Variants in LURAP1L observed in about 807,000 individuals in gnomAD.
LURAP1L encodes leucine rich adaptor protein 1-like.
Under a neutral mutation model 13.8 loss-of-function variants are expected in LURAP1L, and 12 were observed. That is an observed-to-expected ratio of 0.87 (90% CI 0.56 to 1.41). The LOEUF (loss-of-function observed/expected upper bound fraction) is 1.41, where lower values mean the gene tolerates loss of function less well. Ranked by LOEUF, LURAP1L falls within the 40% of genes most tolerant of loss-of-function variation. LURAP1L has a pLI of 0.00. For missense variants in LURAP1L, 375 were observed against 292.9 expected, an observed-to-expected ratio of 1.28 and a Z score of -2.04; for synonymous variants, 139 against 119.2, an observed-to-expected ratio of 1.17 and a Z score of -1.08.
intron 1 of LURAP1L, among the ~76,000 whole-genome samples, chr9:12,798,364 T>A (rs1437875909): frequency 6.6e-6 from 1 of 152,232 alleles, no homozygotes; most frequent in Non-Finnish European, 1.5e-5. Flanking sequence ...TACCTGGCTA[T>A]GGACAACACT....
At chr9:12,811,949 C>G (rs1283141109) in intron 1 of LURAP1L, among the ~76,000 whole-genome samples, 1 of 152,102 alleles carries the variant, frequency 6.6e-6, no homozygotes, top group Non-Finnish European at 1.5e-5. Flanking sequence ...ATCACATGGC[C>G]AGTAGCAGTC....
At chr9:12,777,283 A>T in intron 1 of LURAP1L, 1 of 985,360 alleles carries the variant, frequency 1.0e-6, no homozygotes, top group South Asian at 4.7e-5. Context: ...TTTGCAAAAT[A>T]GATGAAAAGA....
At chr9:12,786,568 A>ATATATATG (rs1819356879) in intron 1 of LURAP1L, among the ~76,000 whole-genome samples, 8 of 124,388 alleles carry the variant, frequency 6.4e-5, no homozygotes, top group African/African-American at 2.3e-4. Flanking sequence ...ATATATATAT[A>ATATATATG]TATATATATA....
intron 1 of LURAP1L, among the ~76,000 whole-genome samples, chr9:12,802,791 T>C (rs1819604699): frequency 6.6e-6 from 1 of 152,160 alleles, no homozygotes; most frequent in Non-Finnish European, 1.5e-5. Flanking sequence ...ATATTCCAGA[T>C]CCTCCATGAA....
intron 1 of LURAP1L, among the ~76,000 whole-genome samples, chr9:12,794,383 T>C (rs1244771872): frequency 6.6e-6 from 1 of 152,068 alleles, no homozygotes; most frequent in Non-Finnish European, 1.5e-5. Context: ...ATTAAGTTGA[T>C]TTTGTGTCAA....
chr9:12,816,298 T>A (rs557975255), intron 1 of LURAP1L, among the ~76,000 whole-genome samples: 2 of 152,340 alleles, frequency 1.3e-5, no homozygotes, highest in East Asian at 3.9e-4. Flanking sequence ...AAGATTAGTC[T>A]TTGTTCACAG....
intron 1 of LURAP1L, among the ~76,000 whole-genome samples, chr9:12,805,990 A>T (rs1306029720): frequency 6.6e-6 from 1 of 152,212 alleles, no homozygotes; most frequent in African/African-American, 2.4e-5. Flanking sequence ...TCAGAAGACA[A>T]ATCTGACAGT....
intron 1 of LURAP1L, among the ~76,000 whole-genome samples, chr9:12,806,554 C>A (rs1262251893): frequency 2.0e-5 from 3 of 151,972 alleles, no homozygotes; most frequent in African/African-American, 2.4e-5. Flanking sequence ...TTGGGCTATG[C>A]TCCATTTTAT....
At chr9:12,776,131 C>A (rs1819178571) in intron 1 of LURAP1L, 104 bp downstream of exon 1, 2 of 1,209,220 alleles carry the variant, frequency 1.7e-6, no homozygotes, top group Non-Finnish European at 2.4e-6. Context: ...GGCTGCAGAG[C>A]GGAGCGCTGG....
intron 1 of LURAP1L, among the ~76,000 whole-genome samples, chr9:12,816,354 G>A (rs903286793): frequency 5.3e-5 from 8 of 152,188 alleles, no homozygotes; most frequent in East Asian, 1.9e-4. Context: ...ACTGCAGCTC[G>A]GAATGAAATC....
chr9:12,803,708 G>A (rs1819618254), intron 1 of LURAP1L, among the ~76,000 whole-genome samples: 1 of 152,198 alleles, frequency 6.6e-6, no homozygotes, highest in African/African-American at 2.4e-5. Flanking sequence ...AGGCAAGTGT[G>A]TCTTAATAAA....
intron 1 of LURAP1L, among the ~76,000 whole-genome samples, chr9:12,780,293 T>G (rs955011941): frequency 6.6e-6 from 1 of 152,184 alleles, no homozygotes; most frequent in African/African-American, 2.4e-5. Context: ...CACTGTGTGG[T>G]GACTTGCCAG....
At chr9:12,782,215 C>G (rs1819282815) in intron 1 of LURAP1L, among the ~76,000 whole-genome samples, 1 of 152,172 alleles carries the variant, frequency 6.6e-6, no homozygotes, top group Non-Finnish European at 1.5e-5. Flanking sequence ...GTTGTCTCTC[C>G]ACTTTGTTGG....
intron 1 of LURAP1L, among the ~76,000 whole-genome samples, chr9:12,820,213 A>T (rs989806057): frequency 6.6e-6 from 1 of 152,000 alleles, no homozygotes; most frequent in Non-Finnish European, 1.5e-5. Flanking sequence ...TATCAGAAGG[A>T]CCACACACCT....
At chr9:12,790,640 A>G (rs1819427829) in intron 1 of LURAP1L, 1 of 152,174 alleles carries the variant, frequency 6.6e-6, no homozygotes, top group South Asian at 2.1e-4. Flanking sequence ...ATGCTGCAGG[A>G]GAATTTCTCG....
chr9:12,787,405 T>C (rs1168735385), intron 1 of LURAP1L, among the ~76,000 whole-genome samples: 1 of 152,140 alleles, frequency 6.6e-6, no homozygotes, highest in Non-Finnish European at 1.5e-5. Context: ...TTTGAATAGA[T>C]TGTTGGCAAA....
intron 1 of LURAP1L, among the ~76,000 whole-genome samples, chr9:12,809,113 T>C (rs1819702564): frequency 6.6e-6 from 1 of 152,148 alleles, no homozygotes; most frequent in African/African-American, 2.4e-5. Flanking sequence ...GAACGTAGAA[T>C]GATAACTCAT....
At chr9:12,814,302 G>C (rs757960291) in intron 1 of LURAP1L, 7 of 152,122 alleles carry the variant, frequency 4.6e-5, no homozygotes, top group Non-Finnish European at 1.0e-4. Flanking sequence ...CTATAAATTA[G>C]TGGAAACACT....
At chr9:12,804,636 C>G (rs978179924) in intron 1 of LURAP1L, among the ~76,000 whole-genome samples, 6 of 151,856 alleles carry the variant, frequency 4.0e-5, no homozygotes, top group South Asian at 4.2e-4. Context: ...AGCCACCATG[C>G]CTGGTCCTCT....
Sources: allele counts gnomAD v4.1 joint callset (sites outside exome capture counted in the v4.1 genomes callset), GRCh38; gene constraint gnomAD v4.1.1; transcripts MANE v1.5; gene names NCBI Gene and HGNC (gene_info 2026-07-23, HGNC 2026-07-21).